Variants in ETS1 observed in about 807,000 individuals in gnomAD.
ETS1 encodes the protein protein C-ets-1.
In ETS1, 15 loss-of-function variants were observed where a neutral mutation model predicts 58.6. The observed-to-expected ratio is 0.26, with a 90% CI of 0.17 to 0.39. The LOEUF (loss-of-function observed/expected upper bound fraction) is 0.39, where lower values mean the gene tolerates loss of function less well. ETS1 is among the 10% of genes least tolerant of loss of function. ETS1 has a pLI of 1.00. For missense variants in ETS1, 417 were observed against 610.5 expected (o/e 0.68, Z 3.34); for synonymous variants, 214 against 218.2 (o/e 0.98, Z 0.17).
intron 3 of ETS1, chr11:128,527,131 C>T: frequency 2.8e-6 from 1 of 363,182 alleles, no homozygotes; most frequent in Middle Eastern, 3.8e-4. Flanking sequence ...TCCAACTTCT[C>T]TACACTGGAT....
At chr11:128,528,724 T>A (rs1257793652) in intron 3 of ETS1, among the ~76,000 whole-genome samples, 2 of 152,202 alleles carry the variant, frequency 1.3e-5, no homozygotes, top group African/African-American at 4.8e-5. Context: ...TTTGCCTAGT[T>A]CGGTCTGAAG....
chr11:128,507,357 C>T (rs894778077), intron 3 of ETS1, among the ~76,000 whole-genome samples: 6 of 152,170 alleles, frequency 3.9e-5, no homozygotes, highest in Non-Finnish European at 8.8e-5. Flanking sequence ...ATTTCAGCGA[C>T]GGGTGGTGTG....
Position 128,490,499 on chromosome 11 carries a change from T to G in ETS1, c.292A>C (p.Ser98Arg). ...CGTTGCTGTTCTTTAGTGAAACCAC[T>G]GAAAGTAGCTTTTAATGCTTGAGAC... is the stretch of plus-strand genomic sequence containing the variant. Reference protein sequence around the residue: ...MMSQALKATFSGFTKEQQRLG... With the variant: ...MMSQALKATFRGFTKEQQRLG... Residue 98 changes from serine (S) to arginine (R), a missense_variant, in exon 4 of 10, where the codon AGT (serine) becomes CGT (arginine). Physicochemically the swap from Ser to Arg is moderately radical, Grantham distance 110. Transcript: ENST00000392668. 6.5e-7 allele frequency: 1 copy of G among 1,547,310 alleles called. No homozygotes were observed. The highest frequency in any genetic ancestry group is 8.8e-7 in the Non-Finnish European group (1 of 1,135,938).
In ETS1 at chr11:128,459,591, GC is replaced by G; in HGVS notation, c.*2769del. The G allele has an allele frequency of 6.5e-6, 1 of 152,912 alleles. No homozygotes were observed. The highest frequency in any genetic ancestry group is 2.1e-4 in the South Asian group (1 of 4,828). The allele number at this position is 152,912 out of a possible 1,614,324, so 9.5% of individuals were successfully genotyped here. ...GGTTTCACCCAGCTAGACCAGATTTGCCCATCCTTCCTCTGAAGTTAACGTG... is the reference window on the plus strand; with the variant it reads ...GGTTTCACCCAGCTAGACCAGATTTGCCATCCTTCCTCTGAAGTTAACGTG... On this transcript the variant is annotated 3_prime_UTR_variant, in exon 10 of 10. Coordinates refer to ENST00000392668, the MANE Select transcript of ETS1 (RefSeq NM_001143820.2).
At chr11:128,506,104 CA>C (rs1565386617) in intron 3 of ETS1, among the ~76,000 whole-genome samples, 1 of 152,146 alleles carries the variant, frequency 6.6e-6, no homozygotes, top group Admixed American at 6.5e-5. Flanking sequence ...CCTCACATCC[CA>C]GCTGGACAGC....
At chr11:128,566,782 CAAA>C (rs1160160715) in intron 2 of ETS1, among the ~76,000 whole-genome samples, 6 of 102,774 alleles carry the variant, frequency 5.8e-5, no homozygotes, top group Non-Finnish European at 1.0e-4. Flanking sequence ...GACACCGTCT[CAAA>C]AAAAAAAAAA....
intron 3 of ETS1, among the ~76,000 whole-genome samples, chr11:128,537,224 C>T (rs759277410): frequency 4.6e-5 from 7 of 152,062 alleles, no homozygotes; most frequent in Non-Finnish European, 7.4e-5. Flanking sequence ...AGTCTTTAGT[C>T]GTCATTTGTT....
rs58228263 is a variant in ETS1 at position 128,464,355 on chromosome 11, GACACACACACAC to G, written c.1124-740_1124-729del. On this transcript the variant is annotated intron_variant, in intron 8 of 9. Coordinates refer to ENST00000392668, the MANE Select transcript of ETS1 (RefSeq NM_001143820.2). This position sits in a 1 kb window ranked among gnomAD's most constrained non-coding sequence, Gnocchi z 4.1. Reference sequence around the variant, plus strand: ...CATAGGTTCAGTATATTCTAAATTAGACACACACACACACACACACACACACACACACACACA... The same window carrying G: ...CATAGGTTCAGTATATTCTAAATTAGACACACACACACACACACACACACA... Among the ~76,000 whole-genome samples, 18,152 of 144,944 alleles carry G rather than the reference GACACACACACAC, an allele frequency of 0.13. 1,312 individuals carry two copies. Among genetic ancestry groups the G allele is most frequent in the Middle Eastern group, 0.16 (47 of 286 alleles).
intron 1 of ETS1, among the ~76,000 whole-genome samples, chr11:128,579,758 C>G (rs1305372363): frequency 6.6e-6 from 1 of 151,772 alleles, no homozygotes; most frequent in East Asian, 1.9e-4. Flanking sequence ...AAAGGCAACA[C>G]CTGGGCTACC....
At chr11:128,468,519 C>G (rs1228295757) in intron 8 of ETS1, among the ~76,000 whole-genome samples, 2 of 152,154 alleles carry the variant, frequency 1.3e-5, no homozygotes, top group Non-Finnish European at 2.9e-5. Context: ...AGCAAGTGAA[C>G]AGGGTCAGGT....
chr11:128,477,792 G>A (rs745698610), intron 8 of ETS1, among the ~76,000 whole-genome samples: 22 of 152,114 alleles, frequency 1.4e-4, no homozygotes, highest in Non-Finnish European at 2.4e-4. Context: ...CTCAATATGC[G>A]CTCAAACATT....
Position 128,482,167 on chromosome 11 carries a change from T to C in ETS1, c.863-1716A>G, listed in dbSNP as rs538969061. On this transcript the variant is annotated intron_variant, in intron 7 of 9. Transcript: ENST00000392668. ...ACCAGAAAAGTCATCTTTTTCACCT[T>C]TTTAGAGATCATTTAATTTTCTTTC... Among the ~76,000 whole-genome samples, 8 of 152,352 alleles carry C rather than the reference T, an allele frequency of 5.3e-5. No homozygotes were observed. In the East Asian group the frequency reaches 1.5e-3, roughly 29 times the overall value.
chr11:128,557,079 G>A (rs1864324454), intron 2 of ETS1, among the ~76,000 whole-genome samples: 1 of 152,178 alleles, frequency 6.6e-6, no homozygotes, highest in Non-Finnish European at 1.5e-5. Flanking sequence ...CTGTGTGGAA[G>A]GTCATGTTTT....
intron 7 of ETS1, among the ~76,000 whole-genome samples, chr11:128,483,517 T>C (rs1487143730): frequency 6.6e-6 from 1 of 152,092 alleles, no homozygotes; most frequent in Non-Finnish European, 1.5e-5. Flanking sequence ...TAAATAGACA[T>C]GCACCCAAAA....
At chr11:128,585,582 C>T (rs1194780569) in intron 1 of ETS1, among the ~76,000 whole-genome samples, 1 of 152,156 alleles carries the variant, frequency 6.6e-6, no homozygotes, top group Non-Finnish European at 1.5e-5. Context: ...CAGTGTTTTG[C>T]CTTCTGCCTC....
At chr11:128,502,569 C>G (rs946546986) in intron 3 of ETS1, among the ~76,000 whole-genome samples, 2 of 152,182 alleles carry the variant, frequency 1.3e-5, no homozygotes, top group African/African-American at 2.4e-5. Flanking sequence ...ATAAAGAGGC[C>G]AAGAGCTGAA....
In ETS1 at chr11:128,585,049, A is replaced by G. The variant is rs1565421209; in HGVS notation, c.-15+2439T>C. On this transcript the variant is annotated intron_variant, in intron 1 of 9. Coordinates refer to ENST00000392668, the MANE Select transcript of ETS1 (RefSeq NM_001143820.2). Reference sequence around the variant, plus strand: ...AAAGAAAGAAAAGAAAGAAAGAAAGAAAGAAAGAAAGAAAGAAAGAAAGAA... The same window carrying G: ...AAAGAAAGAAAAGAAAGAAAGAAAGGAAGAAAGAAAGAAAGAAAGAAAGAA... Among the ~76,000 whole-genome samples, 129 of 26,096 alleles carry G rather than the reference A, an allele frequency of 4.9e-3. 17 individuals are homozygous for G. Among genetic ancestry groups the G allele is most frequent in the African/African-American group, 0.015 (39 of 2,528 alleles). 17.1% of individuals were successfully genotyped at this position (26,096 alleles called of 152,430 possible).
intron 3 of ETS1, among the ~76,000 whole-genome samples, chr11:128,532,680 T>C (rs1420310998): frequency 6.6e-6 from 1 of 151,958 alleles, no homozygotes; most frequent in East Asian, 1.9e-4. Flanking sequence ...CCCAGTGACT[T>C]TGGGGAGGTT....
chr11:128,541,190 C>T (rs530079669), intron 3 of ETS1, among the ~76,000 whole-genome samples: 27 of 152,296 alleles, frequency 1.8e-4, no homozygotes, highest in African/African-American at 6.0e-4. Flanking sequence ...CGTCTCAGCA[C>T]GGCAGCCAGG....
Sources: allele counts gnomAD v4.1 joint callset (sites outside exome capture counted in the v4.1 genomes callset), GRCh38; gene constraint gnomAD v4.1.1; non-coding constraint Gnocchi (gnomAD v3.1); transcripts MANE v1.5; gene names NCBI Gene and HGNC (gene_info 2026-07-23, HGNC 2026-07-21).